POM121C: variants seen among roughly 807,000 people sequenced by gnomAD.
POM121C encodes POM121 transmembrane nucleoporin C.
POM121C carries 20 observed loss-of-function variants against 66.4 expected under a neutral mutation model. The ratio of observed to expected loss-of-function variants is 0.30; its 90% CI spans 0.21 to 0.44. The LOEUF is 0.44. POM121C is among the 20% of genes least tolerant of loss of function. POM121C has a pLI of 1.00. For missense variants in POM121C, 580 were observed against 1,225.7 expected, an observed-to-expected ratio of 0.47 and a Z score of 7.87; for synonymous variants, 286 against 528.0, an observed-to-expected ratio of 0.54 and a Z score of 6.28.
At chr7:75,478,400 G>T (rs1792175619) in intron 1 of POM121C, among the ~76,000 whole-genome samples, 1 of 151,898 alleles carries the variant, frequency 6.6e-6, no homozygotes, top group South Asian at 2.1e-4. Flanking sequence ...AAGAACCGAG[G>T]CAGATGTGAG....
At chr7:75,420,859 G>C (rs1259660752) in intron 13 of POM121C, 4 of 155,352 alleles carry the variant, frequency 2.6e-5, no homozygotes, top group Non-Finnish European at 5.7e-5. Flanking sequence ...TGCCATGCTT[G>C]TCTTTGTTCT....
intron 7 of POM121C, among the ~76,000 whole-genome samples, chr7:75,428,245 T>G (rs1790034980): frequency 6.6e-6 from 1 of 152,082 alleles, no homozygotes; most frequent in Non-Finnish European, 1.5e-5. Flanking sequence ...GTTCAAGCGA[T>G]TCTCCTGCCT....
Position 75,416,971 on chromosome 7 carries a change from G to A in POM121C, c.*1825C>T, listed in dbSNP as rs587759511. On this transcript the variant is annotated 3_prime_UTR_variant, in exon 15 of 15. Transcript: ENST00000615331. ...ACACTCACTCTCACTCAGGGTTCCC[G>A]GACCGGCTGTCCTGCCTGCGGAACT... 9 of 1,358,096 alleles carry A rather than the reference G, an allele frequency of 6.6e-6. No individual in the cohort carries two copies. The highest frequency in any genetic ancestry group is 2.8e-4 in the Middle Eastern group (1 of 3,596). 84.1% of individuals were successfully genotyped at this position (1,358,096 alleles called of 1,614,324 possible).
chr7:75,477,309 A>C (rs1836887573), intron 1 of POM121C, among the ~76,000 whole-genome samples: 1 of 152,210 alleles, frequency 6.6e-6, no homozygotes, highest in African/African-American at 2.4e-5. Flanking sequence ...GTGCTTGGGC[A>C]CGGTGGCTCA....
intron 1 of POM121C, chr7:75,484,280 T>G (rs1720913068): frequency 8.0e-6 from 12 of 1,497,112 alleles, no homozygotes; most frequent in Non-Finnish European, 1.1e-5. Context: ...AGCAGGTCAC[T>G]GAAGTCATGA....
chr7:75,480,632 A>G (rs1291245112), intron 1 of POM121C, among the ~76,000 whole-genome samples: 1 of 152,132 alleles, frequency 6.6e-6, no homozygotes, highest in Non-Finnish European at 1.5e-5. Context: ...AAAAATTCAC[A>G]GTCTAAATCT....
intron 7 of POM121C, among the ~76,000 whole-genome samples, chr7:75,427,091 A>G (rs1554471806): frequency 1.3e-5 from 2 of 151,742 alleles, no homozygotes; most frequent in East Asian, 1.9e-4. Context: ...TCTTGCTTCC[A>G]TTAAATTTTC....
At chr7:75,428,071 C>T (rs1289877522) in intron 7 of POM121C, among the ~76,000 whole-genome samples, 20 of 152,064 alleles carry the variant, frequency 1.3e-4, no homozygotes, top group Non-Finnish European at 2.8e-4. Flanking sequence ...ATATAAGCGG[C>T]ATTTTCAATC....
chr7:75,462,354 A>T (rs1554477162), intron 3 of POM121C, among the ~76,000 whole-genome samples: 1 of 151,984 alleles, frequency 6.6e-6, no homozygotes, highest in African/African-American at 2.4e-5. Flanking sequence ...TGGAACTGTG[A>T]GTCAATTAAA....
intron 3 of POM121C, among the ~76,000 whole-genome samples, chr7:75,456,791 G>C (rs1309737914): frequency 6.6e-6 from 1 of 152,204 alleles, no homozygotes; most frequent in Non-Finnish European, 1.5e-5. Context: ...CAGTTCCATA[G>C]GAGATGGAAT....
At chr7:75,438,352 C>T (rs1199501444) in intron 6 of POM121C, among the ~76,000 whole-genome samples, 4 of 152,198 alleles carry the variant, frequency 2.6e-5, no homozygotes, top group Admixed American at 6.5e-5. Context: ...CAAGTTATTT[C>T]GCTTCTTTCA....
chr7:75,463,459 T>C (rs1399797619), intron 3 of POM121C, among the ~76,000 whole-genome samples: 6 of 151,300 alleles, frequency 4.0e-5, no homozygotes, highest in Non-Finnish European at 7.4e-5. Context: ...CTTTTTTTTT[T>C]TTTTTTTTTT....
In POM121C at chr7:75,449,602, G is replaced by A. The variant is rs757115580; in HGVS notation, c.-151-7955C>T. Reference sequence around the variant, plus strand: ...AGGATGGTCTCGATCTCCTGACCTCGTGTTCCACCCACCCGCAGCCTCCCA... The same window carrying A: ...AGGATGGTCTCGATCTCCTGACCTCATGTTCCACCCACCCGCAGCCTCCCA... On this transcript the variant is annotated intron_variant, in intron 3 of 14. Coordinates refer to ENST00000615331, the MANE Select transcript of POM121C (RefSeq NM_001099415.3). Among the ~76,000 whole-genome samples, 40 of 152,078 alleles carry A rather than the reference G, an allele frequency of 2.6e-4. 1 individual carries two copies. The highest frequency in any genetic ancestry group is 1.2e-4 in the Non-Finnish European group (8 of 68,008).
chr7:75,442,686 C>T (rs1322735954), intron 3 of POM121C: 18 of 1,417,238 alleles, frequency 1.3e-5, no homozygotes, highest in African/African-American at 1.5e-5. Context: ...CGCCGCCGCT[C>T]GCCTGCTCCA....
Position 75,418,536 on chromosome 7 carries a change from G to C in POM121C, c.*260C>G. On this transcript the variant is annotated 3_prime_UTR_variant, in exon 15 of 15. Transcript: ENST00000615331. ...AGCGGACACTATGTACAGGTCCTTA[G>C]TTCTCCAGCCTCCCCAGTGGAACTG... is the stretch of plus-strand genomic sequence containing the variant. 1.6e-6 allele frequency: 2 copies of C among 1,285,796 alleles called. No homozygotes were observed. Among genetic ancestry groups the C allele is most frequent in the Non-Finnish European group, 2.0e-6 (2 of 1,015,092 alleles). The allele number at this position is 1,285,796 out of a possible 1,614,324, so 79.6% of individuals were successfully genotyped here. A position where few individuals can be genotyped will look rare whatever the true frequency, so the allele number is the denominator to read the frequency against.
intron 3 of POM121C, among the ~76,000 whole-genome samples, chr7:75,459,599 C>CAAAAAA (rs1211791667): frequency 3.0e-4 from 13 of 43,832 alleles, no homozygotes; most frequent in Non-Finnish European, 4.1e-4. Context: ...GACTCTGTCT[C>CAAAAAA]AAAAAAAAAA....
In POM121C at chr7:75,440,876, T is replaced by A. The variant is rs1263420065; in HGVS notation, c.227+78A>T. Reference sequence around the variant, plus strand: ...TCACAAACTGGACGTGGCCTCTGTATCTTTACGGGAATGTCTACATCTCAT... The same window carrying A: ...TCACAAACTGGACGTGGCCTCTGTAACTTTACGGGAATGTCTACATCTCAT... On this transcript the variant is annotated intron_variant, in intron 5 of 14. Transcript: ENST00000615331. The A allele has an allele frequency of 5.6e-6, 9 of 1,610,968 alleles. No individual in the cohort carries two copies. The Admixed American group carries it at 1.5e-4, about 27-fold the overall frequency.
intron 3 of POM121C, among the ~76,000 whole-genome samples, chr7:75,466,493 T>C (rs1319528438): frequency 6.6e-6 from 1 of 151,780 alleles, no homozygotes; most frequent in Non-Finnish European, 1.5e-5. Context: ...ATAATCCTAG[T>C]TACTCCCAAG....
At position 75,477,110 on chromosome 7, in the gene POM121C, T is replaced by TAC. The variant is rs57918412; in HGVS notation, c.-457-1924_-457-1923dup. Reference sequence around the variant, plus strand: ...AGCACATATATACAGTTTGCGTGTATACACACACACACACACACACACACT... The same window carrying TAC: ...AGCACATATATACAGTTTGCGTGTATACACACACACACACACACACACACACT... On this transcript the variant is annotated intron_variant, in intron 1 of 14. Transcript: ENST00000615331. Among the ~76,000 whole-genome samples the TAC allele has an allele frequency of 2.2e-3, 310 of 140,680 alleles. 2 individuals are homozygous for TAC. In the East Asian group the frequency reaches 0.026, roughly 12 times the overall value. The allele number at this position is 140,680 out of a possible 152,430, so 92.3% of individuals were successfully genotyped here.
Sources: allele counts gnomAD v4.1 joint callset (sites outside exome capture counted in the v4.1 genomes callset), GRCh38; gene constraint gnomAD v4.1.1; transcripts MANE v1.5; gene names NCBI Gene and HGNC (gene_info 2026-07-23, HGNC 2026-07-21).